The following CNTNAP2 variants were observed in gnomAD, a reference collection of about 807,000 sequenced individuals.
CNTNAP2 encodes the protein contactin-associated protein-like 2.
CNTNAP2 carries 98 observed loss-of-function variants against 155.2 expected under a neutral mutation model. The ratio of observed to expected loss-of-function variants is 0.63; its 90% CI spans 0.54 to 0.75. The LOEUF (loss-of-function observed/expected upper bound fraction) is 0.75. Ranked by LOEUF, CNTNAP2 falls within the 30% of genes least tolerant of loss-of-function variation. The pLI is 0.00. For synonymous variants in CNTNAP2, 651 were observed against 631.2 expected, an observed-to-expected ratio of 1.03 and a Z score of -0.47; for missense variants, 1,727 against 1,688.1, an observed-to-expected ratio of 1.02 and a Z score of -0.40.
At chr7:147,523,141 C>G (rs1166618168) in intron 11 of CNTNAP2, among the ~76,000 whole-genome samples, 1 of 152,088 alleles carries the variant, frequency 6.6e-6, no homozygotes, top group Non-Finnish European at 1.5e-5. Context: ...GATCATAAGG[C>G]CCAAGAGGGT....
At chr7:147,756,400 T>C (rs548583763) in intron 13 of CNTNAP2, among the ~76,000 whole-genome samples, 275 of 152,314 alleles carry the variant, frequency 1.8e-3, no homozygotes, top group African/African-American at 6.3e-3. Context: ...CTAACAGCAA[T>C]GTATCAATGA....
intron 3 of CNTNAP2, among the ~76,000 whole-genome samples, chr7:147,014,769 A>C (rs1288339046): frequency 6.6e-6 from 1 of 152,108 alleles, no homozygotes. Flanking sequence ...GCCAACAGGA[A>C]ACAAAAAAAT....
chr7:147,565,547 A>T (rs1377363595), intron 12 of CNTNAP2, among the ~76,000 whole-genome samples: 2 of 152,260 alleles, frequency 1.3e-5, no homozygotes, highest in East Asian at 3.9e-4. Context: ...CAATGAAGAG[A>T]TGATGCTCCC....
chr7:147,715,932 A>G (rs185416824), intron 13 of CNTNAP2, among the ~76,000 whole-genome samples: 1 of 152,318 alleles, frequency 6.6e-6, no homozygotes, highest in Admixed American at 6.5e-5. Flanking sequence ...ATTTGCCTAT[A>G]AATCATTGCA....
At position 148,416,643 on chromosome 7, in the gene CNTNAP2, C is replaced by G. The variant is rs886062059; in HGVS notation, c.*1027C>G. On this transcript the variant is annotated 3_prime_UTR_variant, in exon 24 of 24. Coordinates refer to ENST00000361727, the MANE Select transcript of CNTNAP2 (RefSeq NM_014141.6). ...GTTTTTCCACCCCTGTGACACAATC[C>G]TAATAGACAGTGTCCTGTAAATGGA... 6.6e-6 allele frequency: 1 copy of G among 152,610 alleles called. No homozygotes were observed. Among genetic ancestry groups the G allele is most frequent in the Non-Finnish European group, 1.5e-5 (1 of 68,038 alleles). The allele number at this position is 152,610 out of a possible 1,614,324, so 9.5% of individuals were successfully genotyped here.
At chr7:148,405,094 G>C (rs6949226) in intron 22 of CNTNAP2, among the ~76,000 whole-genome samples, 41,454 of 151,794 alleles carry the variant, frequency 0.27, 6,601 homozygotes, top group African/African-American at 0.43. Flanking sequence ...GCTCAGGTTT[G>C]TGTGTGGAAC....
chr7:147,138,841 A>G (rs956947828), intron 8 of CNTNAP2, among the ~76,000 whole-genome samples: 1 of 152,028 alleles, frequency 6.6e-6, no homozygotes, highest in African/African-American at 2.4e-5. Flanking sequence ...ATGTGTGTAT[A>G]ATAATTTTTT....
chr7:147,202,843 A>T (rs1247989937), intron 8 of CNTNAP2, among the ~76,000 whole-genome samples: 1 of 109,660 alleles, frequency 9.1e-6, no homozygotes, highest in Non-Finnish European at 2.1e-5. Flanking sequence ...AAATACCTAA[A>T]GTATAATTAA....
At chr7:146,810,892 T>A (rs1803054014) in intron 2 of CNTNAP2, among the ~76,000 whole-genome samples, 1 of 152,178 alleles carries the variant, frequency 6.6e-6, no homozygotes, top group African/African-American at 2.4e-5. Flanking sequence ...ATTGAGATGA[T>A]CATATGATTT....
At chr7:146,646,379 A>G (rs1799812241) in intron 1 of CNTNAP2, among the ~76,000 whole-genome samples, 1 of 152,186 alleles carries the variant, frequency 6.6e-6, no homozygotes, top group Non-Finnish European at 1.5e-5. Context: ...AGAACAAGCC[A>G]TTATTTTTAA....
At chr7:148,171,986 T>C (rs543245164) in intron 17 of CNTNAP2, among the ~76,000 whole-genome samples, 19 of 152,362 alleles carry the variant, frequency 1.2e-4, no homozygotes, top group African/African-American at 4.6e-4. Flanking sequence ...ACAGCTGATA[T>C]AATTTTTGTG....
chr7:146,803,933 C>G (rs183781316), intron 2 of CNTNAP2, among the ~76,000 whole-genome samples: 529 of 152,210 alleles, frequency 3.5e-3, no homozygotes, highest in African/African-American at 0.011. Context: ...TGCTTCATTG[C>G]TAGAATGAGA....
intron 1 of CNTNAP2, among the ~76,000 whole-genome samples, chr7:146,484,943 C>A (rs1261594305): frequency 6.6e-6 from 1 of 151,968 alleles, no homozygotes; most frequent in Non-Finnish European, 1.5e-5. Context: ...AGAAATTGAT[C>A]GTGCTGATAA....
chr7:146,963,739 T>C (rs369960821), intron 3 of CNTNAP2, among the ~76,000 whole-genome samples: 39 of 152,358 alleles, frequency 2.6e-4, no homozygotes, highest in Non-Finnish European at 5.0e-4. Context: ...TTTAGATTTA[T>C]AAAAATTGTT....
intron 1 of CNTNAP2, among the ~76,000 whole-genome samples, chr7:146,280,655 A>G (rs1268521871): frequency 3.3e-5 from 5 of 152,104 alleles, no homozygotes; most frequent in Non-Finnish European, 7.4e-5. Context: ...TCGGCTGCCC[A>G]CTTCATGCAT....
At position 146,912,178 on chromosome 7, in the gene CNTNAP2, G is replaced by A. The variant is rs562079527; in HGVS notation, c.402+72274G>A. Among the ~76,000 whole-genome samples, 9 of 150,158 alleles carry A rather than the reference G, an allele frequency of 6.0e-5. No homozygotes were observed. In the East Asian group the frequency reaches 7.8e-4, roughly 13 times the overall value. On this transcript the variant is annotated intron_variant, in intron 3 of 23. Transcript: ENST00000361727. ...ACATATTTGGAATATGGCTGTATTCGTCAGCATAAGGATGATTTAAATTTT... is the reference window on the plus strand; with the variant it reads ...ACATATTTGGAATATGGCTGTATTCATCAGCATAAGGATGATTTAAATTTT...
chr7:146,714,317 A>T (rs1426604634), intron 1 of CNTNAP2, among the ~76,000 whole-genome samples: 1 of 152,216 alleles, frequency 6.6e-6, no homozygotes, highest in Non-Finnish European at 1.5e-5. Flanking sequence ...CACTGTTACC[A>T]TGTGCCTGGA....
intron 13 of CNTNAP2, among the ~76,000 whole-genome samples, chr7:147,735,445 T>G (rs1796824591): frequency 2.0e-5 from 3 of 152,196 alleles, no homozygotes; most frequent in Admixed American, 2.0e-4. Flanking sequence ...CTTCCAACTA[T>G]GTGGTCAATT....
intron 2 of CNTNAP2, among the ~76,000 whole-genome samples, chr7:146,783,918 T>G (rs1802531711): frequency 6.6e-6 from 1 of 152,220 alleles, no homozygotes; most frequent in South Asian, 2.1e-4. Flanking sequence ...TTTATAAAAT[T>G]TAGCTAAACA....
Sources: gnomAD v4.1 joint callset for allele counts (sites outside exome capture counted in the v4.1 genomes callset) on GRCh38, gnomAD v4.1.1 for gene constraint, MANE v1.5 for transcripts, NCBI Gene and HGNC (gene_info 2026-07-23, HGNC 2026-07-21) for gene names.